The following BABAM2 variants were observed in gnomAD, a reference collection of about 807,000 sequenced individuals.
BABAM2 encodes the protein BRISC and BRCA1 A complex member 2, also known as BRISC and BRCA1-A complex member 2.
BABAM2 carries 31 observed loss-of-function variants against 54.7 expected under a neutral mutation model. The observed-to-expected ratio is 0.57, with a 90% CI of 0.43 to 0.77. The LOEUF is 0.77. Ranked by LOEUF, BABAM2 falls within the 30% of genes least tolerant of loss-of-function variation. BABAM2 has a pLI of 0.00. For missense variants in BABAM2, 364 were observed against 455.8 expected (o/e 0.80, Z 1.83); for synonymous variants, 167 against 162.9 (o/e 1.03, Z -0.19).
intron 7 of BABAM2, among the ~76,000 whole-genome samples, chr2:28,235,076 A>G (rs1681773921): frequency 6.6e-6 from 1 of 152,254 alleles, no homozygotes; most frequent in African/African-American, 2.4e-5. Context: ...CTGAGTAGAA[A>G]AAGTCAATAC....
chr2:27,919,665 G>A (rs1667215314), intron 2 of BABAM2, among the ~76,000 whole-genome samples: 1 of 152,108 alleles, frequency 6.6e-6, no homozygotes, highest in African/African-American at 2.4e-5. Flanking sequence ...AAAGAAGAAA[G>A]GTTGAAAATT....
intron 7 of BABAM2, among the ~76,000 whole-genome samples, chr2:28,158,062 A>T (rs1672719755): frequency 6.6e-6 from 1 of 152,216 alleles, no homozygotes. Context: ...AAAACTATTT[A>T]AAAAACTGGA....
At chr2:28,219,034 C>T (rs997762288) in intron 7 of BABAM2, among the ~76,000 whole-genome samples, 1 of 152,114 alleles carries the variant, frequency 6.6e-6, no homozygotes, top group Non-Finnish European at 1.5e-5. Flanking sequence ...AACAAATTAC[C>T]ACAAATTTAG....
At chr2:28,060,022 C>T (rs1226507797) in intron 6 of BABAM2, among the ~76,000 whole-genome samples, 1 of 151,948 alleles carries the variant, frequency 6.6e-6, no homozygotes. Flanking sequence ...TACTTGATGA[C>T]AAAAATCAGG....
intron 7 of BABAM2, among the ~76,000 whole-genome samples, chr2:28,208,544 T>C (rs1443276091): frequency 6.6e-6 from 1 of 152,230 alleles, no homozygotes; most frequent in Non-Finnish European, 1.5e-5. Flanking sequence ...CTTCCTTTAT[T>C]GTACCTTTCC....
Position 28,289,333 on chromosome 2 carries a change from G to A in BABAM2, c.935-9005G>A, listed in dbSNP as rs58312114. ...TAAATGGAATCATACTGATTTCTGC[G>A]TCTGTGAATATTAATGTCTTACTTT... On this transcript the variant is annotated intron_variant, in intron 10 of 11. Coordinates refer to ENST00000379624, the MANE Select transcript of BABAM2 (RefSeq NM_199191.3). Among the ~76,000 whole-genome samples the A allele has an allele frequency of 5.7e-3, 873 of 152,000 alleles. 11 individuals carry two copies. The highest frequency in any genetic ancestry group is 0.018 in the East Asian group (95 of 5,176).
upstream of BABAM2, among the ~76,000 whole-genome samples, chr2:27,889,272 G>A (rs1180472448): frequency 6.6e-6 from 1 of 152,144 alleles, no homozygotes; most frequent in Non-Finnish European, 1.5e-5. Context: ...GACTTATTTT[G>A]ATTGTCCCAA....
chr2:28,178,819 A>G (rs780974387), intron 7 of BABAM2, among the ~76,000 whole-genome samples: 17 of 152,080 alleles, frequency 1.1e-4, no homozygotes, highest in Non-Finnish European at 2.1e-4. Context: ...TACAACTGAT[A>G]CCACAGAAAT....
At position 28,074,010 on chromosome 2, in the gene BABAM2, TAC is replaced by T. The variant is rs200522716; in HGVS notation, c.570+28219_570+28220del. ...AGATACGTATATATTTACACATATA[TAC>T]ACACACATATATACACATATATATA... On this transcript the variant is annotated intron_variant, in intron 6 of 11. Coordinates refer to ENST00000379624, the MANE Select transcript of BABAM2 (RefSeq NM_199191.3). Among the ~76,000 whole-genome samples, 1,288 of 151,018 alleles carry T rather than the reference TAC, an allele frequency of 8.5e-3. 15 individuals carry two copies. The highest frequency in any genetic ancestry group is 0.03 in the African/African-American group (1,225 of 40,484).
chr2:28,130,567 C>T lies in BABAM2; in HGVS notation c.680+1187C>T, dbSNP rs72814462. ...TCCTGGGCTCAAGTGACCCTCCTAC[C>T]TCAGTCTCCCAAGTGGCTAGGACTC... On this transcript the variant is annotated intron_variant, in intron 7 of 11. Transcript: ENST00000379624. 6.6e-5 allele frequency among the ~76,000 whole-genome samples: 10 copies of T among 151,534 alleles called. No homozygotes were observed. The South Asian group carries it at 1.3e-3, about 19-fold the overall frequency.
intron 5 of BABAM2, among the ~76,000 whole-genome samples, chr2:28,026,936 A>AAATATATAT (rs1211282648): frequency 9.4e-5 from 1 of 10,640 alleles, no homozygotes; most frequent in Non-Finnish European, 4.8e-4. Context: ...AAATATATAT[A>AAATATATAT]TAAATATATA....
rs1459042841 is a variant in BABAM2 at position 28,131,084 on chromosome 2, T to TA, written c.680+1704_680+1705insA. 2.0e-3 allele frequency among the ~76,000 whole-genome samples: 26 copies of TA among 12,808 alleles called. 8 individuals are homozygous for TA. Among genetic ancestry groups the TA allele is most frequent in the South Asian group, 7.2e-3 (2 of 278 alleles). The allele number at this position is 12,808 out of a possible 152,430, so 8.4% of individuals were successfully genotyped here. A position where few individuals can be genotyped will look rare whatever the true frequency, so the allele number is the denominator to read the frequency against. The stretch of plus-strand genomic sequence containing the variant: ...TTATTATTATTATTATTATTATTTT[T>TA]TTTTTTTTTTTTTTTGAGACGGAGT... On this transcript the variant is annotated intron_variant, in intron 7 of 11. Coordinates refer to ENST00000379624, the MANE Select transcript of BABAM2 (RefSeq NM_199191.3).
chr2:28,291,464 G>T (rs1263676669), intron 10 of BABAM2, among the ~76,000 whole-genome samples: 1 of 151,984 alleles, frequency 6.6e-6, no homozygotes, highest in Non-Finnish European at 1.5e-5. Flanking sequence ...CGTGGTGGTG[G>T]ATGCCTGTAA....
chr2:28,193,920 C>CAT (rs1677212845), intron 7 of BABAM2, among the ~76,000 whole-genome samples: 1 of 152,104 alleles, frequency 6.6e-6, no homozygotes, highest in Non-Finnish European at 1.5e-5. Context: ...GAGAAGCTGA[C>CAT]ATATCTGTGG....
chr2:27,910,612 T>C (rs1666511783), intron 2 of BABAM2, among the ~76,000 whole-genome samples: 1 of 152,176 alleles, frequency 6.6e-6, no homozygotes, highest in Non-Finnish European at 1.5e-5. Flanking sequence ...ACTGCTATCC[T>C]GACTTCTAAC....
chr2:28,326,768 A>G (rs1690494460), intron 11 of BABAM2, among the ~76,000 whole-genome samples: 1 of 152,072 alleles, frequency 6.6e-6, no homozygotes, highest in South Asian at 2.1e-4. Context: ...CTAAGGGTGA[A>G]CCATCCCCAA....
chr2:28,018,234 C>G (rs985134228), intron 4 of BABAM2, among the ~76,000 whole-genome samples: 3 of 152,154 alleles, frequency 2.0e-5, no homozygotes, highest in African/African-American at 7.2e-5. Flanking sequence ...AGCTTAGCTC[C>G]CACGTGTGAG....
chr2:28,202,643 T>G (rs6723096), intron 7 of BABAM2, among the ~76,000 whole-genome samples: 148,934 of 152,202 alleles, frequency 0.98, 72,955 homozygotes, highest in Middle Eastern at 1. Flanking sequence ...TGTTCATTCA[T>G]CACATGCAGC....
intron 10 of BABAM2, among the ~76,000 whole-genome samples, chr2:28,277,948 G>A (rs1192030395): frequency 3.3e-5 from 5 of 152,326 alleles, no homozygotes; most frequent in Non-Finnish European, 5.9e-5. Flanking sequence ...TTACACATAT[G>A]TCCTAGAGCT....
Sources: allele counts gnomAD v4.1 joint callset (sites outside exome capture counted in the v4.1 genomes callset), GRCh38; gene constraint gnomAD v4.1.1; transcripts MANE v1.5; gene names NCBI Gene and HGNC (gene_info 2026-07-23, HGNC 2026-07-21).